NEB: variants seen among roughly 807,000 people sequenced by gnomAD.
The protein encoded by NEB is nemaline myopathy type 2.
NEB carries 512 observed loss-of-function variants against 952.2 expected under a neutral mutation model. That is an observed-to-expected ratio of 0.54 (90% CI 0.50 to 0.58). The LOEUF is 0.58. Among genes scored for constraint, NEB ranks in the 20% least tolerant of loss-of-function variants. The pLI is 0.00. For synonymous variants in NEB, 2,900 were observed against 3,149.8 expected (o/e 0.92, Z 2.66); for missense variants, 8,428 against 9,231.1 (o/e 0.91, Z 3.56).
At chr2:151,499,505 C>T (rs888193311) in intron 168 of NEB, 115 bp from the exon 169 acceptor site, 1 of 648,308 alleles carries the variant, frequency 1.5e-6, no homozygotes, top group South Asian at 1.7e-5. Flanking sequence ...AAGACAGATT[C>T]AACAAGTCAA....
At chr2:151,633,133 T>C (rs1031222144) in intron 65 of NEB, among the ~76,000 whole-genome samples, 2 of 152,242 alleles carry the variant, frequency 1.3e-5, no homozygotes, top group African/African-American at 2.4e-5. Context: ...AGATAGTGTA[T>C]CTGCTTCCAA....
At position 151,706,076 on chromosome 2, in the gene NEB, G is replaced by GT. The variant is rs577236124; in HGVS notation, c.1152+804dup. Among the ~76,000 whole-genome samples, 88 of 152,268 alleles carry GT rather than the reference G, an allele frequency of 5.8e-4. 1 individual carries two copies. The highest frequency in any genetic ancestry group is 2.0e-3 in the African/African-American group (85 of 41,544). On this transcript the variant is annotated intron_variant, in intron 13 of 181. Transcript: ENST00000397345. ...ACCCCAACAATGACTGAAATAAAAT[G>GT]TTTTTTAAAAGAAAGCAAACGTGCT...
intron 45 of NEB, among the ~76,000 whole-genome samples, chr2:151,663,280 T>C (rs1378588260): frequency 6.6e-6 from 1 of 152,166 alleles, no homozygotes; most frequent in Non-Finnish European, 1.5e-5. Context: ...TTCAATACAC[T>C]CTTTCTGAAA....
intron 64 of NEB, among the ~76,000 whole-genome samples, chr2:151,635,386 G>A (rs913247208): frequency 6.6e-5 from 10 of 152,100 alleles, no homozygotes; most frequent in Non-Finnish European, 1.3e-4. Context: ...AAGGATGACA[G>A]TTTTGCTCTG....
chr2:151,629,628 T>C lies in NEB; in HGVS notation c.9742A>G (p.Asn3248Asp), dbSNP rs773284697. 6.2e-7 allele frequency: 1 copy of C among 1,613,632 alleles called. No homozygotes were observed. Among genetic ancestry groups the C allele is most frequent in the Non-Finnish European group, 8.5e-7 (1 of 1,179,628 alleles). The change falls in exon 68 of 182, where the codon AAT becomes GAT. Residue 3248 changes from asparagine (N) to aspartate (D), a missense_variant. Physicochemically the swap from Asn to Asp is conservative, Grantham distance 23. Transcript: ENST00000397345. Reference sequence around the variant, plus strand: ...TAGCCTTTCTTTTTTGCTTCTTCATTGGCAAGTTTGTATAGAGTCTATGAA... The same window carrying C: ...TAGCCTTTCTTTTTTGCTTCTTCATCGGCAAGTTTGTATAGAGTCTATGAA... ...NYSETLYKLA[N>D]EEAKKKGYDL...
In NEB at chr2:151,729,652, T is replaced by C. The variant is rs1227854211; in HGVS notation, c.41A>G (p.Tyr14Cys). The change falls in exon 4 of 182, where the codon TAC becomes TGC. Residue 14 changes from tyrosine (Y) to cysteine (C), a missense_variant. This residue lies in a region of NEB where 2,851 missense variants were observed against 2,791.5 expected (regional missense o/e 1.02). Coordinates refer to ENST00000397345, the MANE Select transcript of NEB (RefSeq NM_001164508.2). ...DEDYEEVVEY[Y>C]TEEVVYEEVP... Reference sequence around the variant, plus strand: ...CTCTTCGTAAACCACTTCTTCTGTGTAGTACTGTAAATAGAGCACAAAGGC... The same window carrying C: ...CTCTTCGTAAACCACTTCTTCTGTGCAGTACTGTAAATAGAGCACAAAGGC... 6.2e-7 allele frequency: 1 copy of C among 1,613,342 alleles called. No individual in the cohort carries two copies. The highest frequency in any genetic ancestry group is 8.5e-7 in the Non-Finnish European group (1 of 1,179,464).
chr2:151,537,848 A>G, intron 140 of NEB, 24 bp downstream of exon 140: 1 of 1,466,062 alleles, frequency 6.8e-7, no homozygotes, highest in Non-Finnish European at 9.3e-7. Context: ...TTTATATGTG[A>G]AAATAGAAGA....
intron 107 of NEB, among the ~76,000 whole-genome samples, chr2:151,574,222 C>T (rs1042678907): frequency 4.6e-5 from 7 of 152,216 alleles, no homozygotes; most frequent in Admixed American, 2.6e-4. Flanking sequence ...GATTCGCCTG[C>T]CTTGGCCTCC....
intron 50 of NEB, 42 bp from the exon 51 acceptor site, chr2:151,655,416 G>C (rs759730896): frequency 1.7e-6 from 2 of 1,177,352 alleles, no homozygotes; most frequent in Non-Finnish European, 2.4e-6. Flanking sequence ...GAATAACTGG[G>C]ACAAGCAGGA....
Position 151,669,078 on chromosome 2 carries a change from A to G in NEB, c.4560T>C (p.Pro1520=), listed in dbSNP as rs1465221826. 1.9e-6 allele frequency: 3 copies of G among 1,595,666 alleles called. No individual in the cohort carries two copies. Among genetic ancestry groups the G allele is most frequent in the Non-Finnish European group, 2.6e-6 (3 of 1,169,984 alleles). ...TGGCTTGAATAAACTGAGGCAATTC[A>G]GGGTCAATAGTATACTTGTGCTTCA... is the stretch of plus-strand genomic sequence containing the variant. ...EKLKHKYTID[P]ELPQFIQAKV... is the part of the protein sequence containing the mutation. The change falls in exon 39 of 182, where the codon CCT becomes CCC. Residue 1520 remains proline (P), a synonymous_variant. Coordinates refer to ENST00000397345, the MANE Select transcript of NEB (RefSeq NM_001164508.2).
rs148203573 is a variant in NEB, at chr2:151,617,849, C to G, written c.11077-381G>C. 8.8e-3 allele frequency among the ~76,000 whole-genome samples: 1,337 copies of G among 151,888 alleles called. 12 individuals carry two copies. Among genetic ancestry groups the G allele is most frequent in the East Asian group, 0.053 (272 of 5,124 alleles). ...GGCCGAGATGGGTGGATCACCTGAG[C>G]TCAGGAGTTTGAGACCAGCCTTCAA... is the stretch of plus-strand genomic sequence containing the variant. On this transcript the variant is annotated intron_variant, in intron 74 of 181. Transcript: ENST00000397345.
intron 124 of NEB, 60 bp from the exon 125 acceptor site, chr2:151,555,104 A>G: frequency 8.3e-7 from 1 of 1,199,308 alleles, no homozygotes; most frequent in Non-Finnish European, 1.2e-6. Flanking sequence ...TTATATTATT[A>G]AAACAGCATA....
chr2:151,691,312 C>T (rs569542176), intron 23 of NEB, among the ~76,000 whole-genome samples: 1 of 152,320 alleles, frequency 6.6e-6, no homozygotes, highest in African/African-American at 2.4e-5. Flanking sequence ...CTGGTCATGC[C>T]TGTTTTAGAC....
At chr2:151,619,383 T>C in intron 73 of NEB, 68 bp downstream of exon 73, 2 of 1,420,320 alleles carry the variant, frequency 1.4e-6, no homozygotes, top group Non-Finnish European at 9.5e-7. Context: ...TCATTGGCAC[T>C]AGTCAGAACT....
chr2:151,704,520 G>T (rs1236670080), intron 13 of NEB, among the ~76,000 whole-genome samples: 4 of 152,158 alleles, frequency 2.6e-5, no homozygotes, highest in South Asian at 2.1e-4. Flanking sequence ...AGACTCCGTG[G>T]GCGTAGGACC....
intron 131 of NEB, 142 bp downstream of exon 131, chr2:151,548,166 A>C (rs1339889831): frequency 2.0e-5 from 14 of 713,596 alleles, no homozygotes; most frequent in Non-Finnish European, 2.8e-5. Flanking sequence ...TATCAGTATC[A>C]AAATGTGACA....
rs1238669585 is a variant in NEB at position 151,525,182 on chromosome 2, A to G, written c.22253T>C (p.Val7418Ala). Residue 7418 changes from valine (V) to alanine (A), a missense_variant, in exon 151 of 182, where the codon GTG (valine) becomes GCG (alanine). Val to Ala is a moderately conservative substitution (Grantham distance 64). Around this residue, in one of 11 missense-constraint regions of NEB, gnomAD observed 3,374 missense variants for 3,651.5 expected, o/e 0.92. Coordinates refer to ENST00000397345, the MANE Select transcript of NEB (RefSeq NM_001164508.2). ...ACTTACATCACTTTGCTTCTTGGCC[A>G]CTTCCATAGCATGTTTCACCTCTGG... ...EPPEVKHAME[V>A]AKKQSDVAYR... 1.9e-6 allele frequency: 3 copies of G among 1,613,716 alleles called. No individual in the cohort carries two copies. The highest frequency in any genetic ancestry group is 1.3e-5 in the African/African-American group (1 of 74,936).
At chr2:151,719,698 G>A (rs1257483513) in intron 9 of NEB, among the ~76,000 whole-genome samples, 2 of 152,118 alleles carry the variant, frequency 1.3e-5, no homozygotes, top group Non-Finnish European at 2.9e-5. Context: ...GGGCAATACG[G>A]TGAAACCCTG....
chr2:151,532,872 T>C (rs964135656), intron 143 of NEB, among the ~76,000 whole-genome samples: 2 of 152,206 alleles, frequency 1.3e-5, no homozygotes, highest in Non-Finnish European at 2.9e-5. Context: ...CATGCTTCAG[T>C]TGGCCTTCTA....
Sources: allele counts gnomAD v4.1 joint callset (sites outside exome capture counted in the v4.1 genomes callset), GRCh38; gene constraint gnomAD v4.1.1; regional missense constraint gnomAD v4.1.1; transcripts MANE v1.5; gene names NCBI Gene and HGNC (gene_info 2026-07-23, HGNC 2026-07-21).